COPZ2: variants seen among roughly 807,000 people sequenced by gnomAD.
The protein encoded by COPZ2 is coat protein complex I subunit zeta 2.
Under a neutral mutation model 33.2 loss-of-function variants are expected in COPZ2, and 30 were observed. The observed-to-expected ratio is 0.90, with a 90% CI of 0.68 to 1.23. The LOEUF is 1.23. Ranked by LOEUF, COPZ2 falls within the 50% of genes most tolerant of loss-of-function variation. The pLI is 0.00. For synonymous variants in COPZ2, 89 were observed against 102.6 expected (o/e 0.87, Z 0.80); for missense variants, 263 against 262.4 (o/e 1.00, Z -0.02).
rs767894980 is a variant in COPZ2, at chr17:48,037,145, C to A, written c.112-220G>T. ...CTGCAGGCCCCGAGTGGGCGCTGTG[C>A]CCGTTGGGTGCAGAAGGTCCTTCCG... On this transcript the variant is annotated intron_variant, in intron 1 of 8. Transcript: ENST00000621465. The surrounding 1 kb of genome is among the most constrained non-coding windows in gnomAD (Gnocchi z 5.6). The A allele has an allele frequency of 2.6e-6, 2 of 763,230 alleles. No individual in the cohort carries two copies. Among genetic ancestry groups the A allele is most frequent in the East Asian group, 5.0e-5 (2 of 40,206 alleles). The allele number at this position is 763,230 out of a possible 1,614,324, so 47.3% of individuals were successfully genotyped here.
At chr17:48,034,005 T>TC in intron 2 of COPZ2, 61 bp from the exon 3 acceptor site, 1 of 1,254,140 alleles carries the variant, frequency 8.0e-7, no homozygotes, top group Non-Finnish European at 1.1e-6. Flanking sequence ...CCTCCCTAGA[T>TC]TGGGGGGCAG....
chr17:48,045,742 T>C, the COPZ2 span: 1 of 152,080 alleles, frequency 6.6e-6, no homozygotes, highest in South Asian at 2.1e-4. Flanking sequence ...TCTGATTTAA[T>C]GGATATACCG....
At chr17:48,045,875 TG>T in the COPZ2 span, 1 of 152,098 alleles carries the variant, frequency 6.6e-6, no homozygotes, top group African/African-American at 2.4e-5. Flanking sequence ...GCTTCCTGGG[TG>T]AAGAAGGACA....
At chr17:48,034,661 A>G (rs2036950503) in intron 2 of COPZ2, among the ~76,000 whole-genome samples, 1 of 152,160 alleles carries the variant, frequency 6.6e-6, no homozygotes, top group African/African-American at 2.4e-5. Context: ...TATCCCCATT[A>G]CACGGATGGG....
chr17:48,034,854 C>T (rs369750801), intron 2 of COPZ2, among the ~76,000 whole-genome samples: 2 of 152,056 alleles, frequency 1.3e-5, no homozygotes. Flanking sequence ...GGCATGGTGG[C>T]GGGTGCCTGT....
intron 6 of COPZ2, chr17:48,029,415 C>A: frequency 1.7e-6 from 1 of 595,740 alleles, no homozygotes; most frequent in Non-Finnish European, 3.0e-6. Context: ...TGGGCAAAAT[C>A]TTTGAAACTG....
At chr17:48,041,410 T>C (rs557512759), upstream of COPZ2, among the ~76,000 whole-genome samples, 2 of 151,980 alleles carry the variant, frequency 1.3e-5, no homozygotes, top group Non-Finnish European at 2.9e-5. Flanking sequence ...AGAGCAGAAA[T>C]GGGATGTGGA....
chr17:48,033,342 T>G (rs1249341669), intron 3 of COPZ2, 40 bp from the exon 4 acceptor site: 3 of 1,231,248 alleles, frequency 2.4e-6, no homozygotes, highest in Non-Finnish European at 3.6e-6. Flanking sequence ...CCACCTTGCC[T>G]GGTCCTAGCC....
chr17:48,037,063 G>T lies in COPZ2; in HGVS notation c.112-138C>A. 1.2e-6 allele frequency: 1 copy of T among 846,682 alleles called. No individual in the cohort carries two copies. The highest frequency in any genetic ancestry group is 2.0e-6 in the Non-Finnish European group (1 of 490,140). The allele number at this position is 846,682 out of a possible 1,614,324, so 52.4% of individuals were successfully genotyped here. A position where few individuals can be genotyped will look rare whatever the true frequency, so the allele number is the denominator to read the frequency against. ...CAAGGTCCACAGCTGGTTCTGCCCA[G>T]CCCTGTGCCACATGGGCCAACCCAG... On this transcript the variant is annotated intron_variant, in intron 1 of 8. Coordinates refer to ENST00000621465, the MANE Select transcript of COPZ2 (RefSeq NM_016429.4). This position sits in a 1 kb window ranked among gnomAD's most constrained non-coding sequence, Gnocchi z 5.6.
chr17:48,042,889 CTTCT>C (rs1201545755), upstream of COPZ2, among the ~76,000 whole-genome samples: 5 of 152,216 alleles, frequency 3.3e-5, no homozygotes, highest in East Asian at 5.8e-4. Context: ...GACCCCAGAA[CTTCT>C]TTCTCTCCAT....
At chr17:48,031,888 C>A in intron 6 of COPZ2, 2 of 508,386 alleles carry the variant, frequency 3.9e-6, no homozygotes, top group South Asian at 4.5e-5. Flanking sequence ...GGATTTTCCC[C>A]AAACCCTGCC....
At chr17:48,031,455 CAAA>C (rs1185312803) in intron 6 of COPZ2, among the ~76,000 whole-genome samples, 8 of 64,724 alleles carry the variant, frequency 1.2e-4, no homozygotes, top group Admixed American at 1.8e-4. Flanking sequence ...GACTCTGTCT[CAAA>C]AAAAAAAAAA....
intron 6 of COPZ2, among the ~76,000 whole-genome samples, chr17:48,030,289 A>AACACACACACACACACACACAC (rs71935471): frequency 2.3e-5 from 3 of 128,308 alleles, no homozygotes; most frequent in African/African-American, 2.7e-5. Context: ...TCCATCTCAA[A>AACACACACACACACACACACAC]ACACACACAC....
chr17:48,040,247 AT>A (rs948447159), upstream of COPZ2, among the ~76,000 whole-genome samples: 13 of 149,880 alleles, frequency 8.7e-5, no homozygotes, highest in African/African-American at 3.0e-4. Flanking sequence ...ATTTATTATT[AT>A]TTTTTTTAAA....
upstream of COPZ2, among the ~76,000 whole-genome samples, chr17:48,038,316 G>A (rs554537790): frequency 1.1e-4 from 16 of 152,220 alleles, no homozygotes; most frequent in East Asian, 2.9e-3. Flanking sequence ...CCATGGGCCC[G>A]GAGACACCTC....
Position 48,026,239 on chromosome 17 carries a change from G to A in COPZ2, c.*189C>T, listed in dbSNP as rs1221463561. 3.4e-6 allele frequency: 2 copies of A among 592,016 alleles called. No homozygotes were observed. The highest frequency in any genetic ancestry group is 6.0e-6 in the Non-Finnish European group (2 of 332,594). 36.7% of individuals were successfully genotyped at this position (592,016 alleles called of 1,614,324 possible). A position where few individuals can be genotyped will look rare whatever the true frequency, so the allele number is the denominator to read the frequency against. ...GCCTAAGATATGAGTTAAGGCCAGG[G>A]CCGTGAGAAAAGGTGACTCTCCTGA... On this transcript the variant is annotated 3_prime_UTR_variant, in exon 9 of 9. Transcript: ENST00000621465.
the COPZ2 span, chr17:48,046,822 T>C: frequency 1.8e-4 from 28 of 152,324 alleles, 1 homozygote; most frequent in African/African-American, 6.7e-4. Flanking sequence ...CTTCAAGTAC[T>C]CAGTATTTGA....
Position 48,037,542 on chromosome 17 carries a change from T to G in COPZ2, c.111+125A>C. ...TTTTCCTCCCGGGTCCTGGGGCCAG[T>G]CAGGGGTGACACAAAGTTCCCAGCC... On this transcript the variant is annotated intron_variant, in intron 1 of 8. Coordinates refer to ENST00000621465, the MANE Select transcript of COPZ2 (RefSeq NM_016429.4). The surrounding 1 kb of genome is among the most constrained non-coding windows in gnomAD (Gnocchi z 5.6). The G allele has an allele frequency of 1.1e-6, 1 of 886,804 alleles. No individual in the cohort carries two copies. Among genetic ancestry groups the G allele is most frequent in the Non-Finnish European group, 1.4e-6 (1 of 720,390 alleles). 54.9% of individuals were successfully genotyped at this position (886,804 alleles called of 1,614,324 possible).
upstream of COPZ2, among the ~76,000 whole-genome samples, chr17:48,040,933 T>A (rs977096977): frequency 2.6e-5 from 4 of 151,640 alleles, no homozygotes; most frequent in Admixed American, 6.6e-5. Context: ...GCAGATCACT[T>A]GAGACCAGGA....
Sources: allele counts gnomAD v4.1 joint callset (sites outside exome capture counted in the v4.1 genomes callset), GRCh38; gene constraint gnomAD v4.1.1; non-coding constraint Gnocchi (gnomAD v3.1); transcripts MANE v1.5; gene names NCBI Gene and HGNC (gene_info 2026-07-23, HGNC 2026-07-21).